The following RNF144A variants were observed in gnomAD, a reference collection of about 807,000 sequenced individuals.
The protein encoded by RNF144A is ring finger protein 144A.
A neutral mutation model predicts 38.7 loss-of-function variants in RNF144A; 11 were observed. The observed-to-expected ratio is 0.28, with a 90% confidence interval of 0.18 to 0.47. RNF144A has a LOEUF of 0.47. RNF144A is among the 20% of genes least tolerant of loss of function. RNF144A has a pLI of 0.99. For synonymous variants in RNF144A, 149 were observed against 143.9 expected (o/e 1.04, Z -0.25); for missense variants, 316 against 377.2 (o/e 0.84, Z 1.34).
intron 3 of RNF144A, among the ~76,000 whole-genome samples, chr2:7,008,286 G>A (rs1440641788): frequency 6.6e-6 from 1 of 152,242 alleles, no homozygotes; most frequent in Non-Finnish European, 1.5e-5. Context: ...GCCTCCTCGG[G>A]AACGTCCAGC....
intron 3 of RNF144A, among the ~76,000 whole-genome samples, chr2:7,007,038 C>G (rs553987579): frequency 3.3e-5 from 5 of 152,076 alleles, no homozygotes; most frequent in African/African-American, 7.2e-5. Flanking sequence ...CTTCCCACCC[C>G]CTCAGAACCC....
At chr2:7,052,526 A>T (rs77062982) in intron 6 of RNF144A, among the ~76,000 whole-genome samples, 3 of 152,178 alleles carry the variant, frequency 2.0e-5, no homozygotes, top group African/African-American at 7.2e-5. Context: ...CTTCTGAAAC[A>T]GGGCTCTGTA....
intron 3 of RNF144A, among the ~76,000 whole-genome samples, chr2:7,008,529 C>T (rs1670597606): frequency 6.6e-6 from 1 of 152,228 alleles, no homozygotes; most frequent in Admixed American, 6.5e-5. Flanking sequence ...GCACTCTCCA[C>T]TGCCTGCAGG....
At chr2:6,925,481 C>T (rs1005349908) in intron 1 of RNF144A, among the ~76,000 whole-genome samples, 17 of 152,240 alleles carry the variant, frequency 1.1e-4, no homozygotes, top group African/African-American at 3.9e-4. Context: ...GCTCTCTTTA[C>T]TTTCTTCTTG....
At chr2:7,017,087 T>C (rs1316047134) in intron 5 of RNF144A, among the ~76,000 whole-genome samples, 1 of 152,132 alleles carries the variant, frequency 6.6e-6, no homozygotes, top group African/African-American at 2.4e-5. Flanking sequence ...GGGGTGTGGA[T>C]GCCTCTTGCT....
In RNF144A at chr2:6,962,328, C is replaced by T. The variant is rs1468052024; in HGVS notation, c.-12+21181C>T. The stretch of plus-strand genomic sequence containing the variant: ...GGTAACAGAAAAGGGAAGATGGAGC[C>T]TCCATGTTGGACATGCCCGGCCCCC... On this transcript the variant is annotated intron_variant, in intron 2 of 8. Coordinates refer to ENST00000320892, the MANE Select transcript of RNF144A (RefSeq NM_014746.6). The surrounding 1 kb of genome is among the most constrained non-coding windows in gnomAD (Gnocchi z 4.1). Among the ~76,000 whole-genome samples, 2 of 152,168 alleles carry T rather than the reference C, an allele frequency of 1.3e-5. No homozygotes were observed. The highest frequency in any genetic ancestry group is 4.8e-5 in the African/African-American group (2 of 41,422).
intron 1 of RNF144A, among the ~76,000 whole-genome samples, chr2:6,938,359 T>C (rs1180512328): frequency 3.3e-5 from 5 of 151,240 alleles, no homozygotes; most frequent in Non-Finnish European, 7.4e-5. Flanking sequence ...GCGATTCTCC[T>C]GCCTCAGCCT....
At chr2:7,015,824 A>C (rs1671100081) in intron 5 of RNF144A, among the ~76,000 whole-genome samples, 1 of 152,052 alleles carries the variant, frequency 6.6e-6, no homozygotes, top group Admixed American at 6.6e-5. Flanking sequence ...CCCTGCACTG[A>C]TTCTCGGGTT....
Position 6,957,535 on chromosome 2 carries a change from G to A in RNF144A, c.-12+16388G>A, listed in dbSNP as rs531040728. 3.3e-5 allele frequency among the ~76,000 whole-genome samples: 5 copies of A among 152,314 alleles called. No homozygotes were observed. The East Asian group carries it at 9.7e-4, about 29-fold the overall frequency. Reference sequence around the variant, plus strand: ...GCGTTGACCACATCAGGCTCAGAGAGCTCACTGCATAGAGGCTGCTGTGGG... The same window carrying A: ...GCGTTGACCACATCAGGCTCAGAGAACTCACTGCATAGAGGCTGCTGTGGG... On this transcript the variant is annotated intron_variant, in intron 2 of 8. Coordinates refer to ENST00000320892, the MANE Select transcript of RNF144A (RefSeq NM_014746.6).
chr2:7,021,704 G>A (rs991275012), intron 6 of RNF144A, among the ~76,000 whole-genome samples: 12 of 152,188 alleles, frequency 7.9e-5, no homozygotes, highest in Admixed American at 2.6e-4. Context: ...GAGTTCTTGC[G>A]TTGACAAGGC....
In RNF144A at chr2:7,013,481, A is replaced by G. The variant is rs547193810; in HGVS notation, c.136-973A>G. On this transcript the variant is annotated intron_variant, in intron 3 of 8. Coordinates refer to ENST00000320892, the MANE Select transcript of RNF144A (RefSeq NM_014746.6). The stretch of plus-strand genomic sequence containing the variant: ...ATTATATTTTAATAATGGTATTGTA[A>G]TATTATATATTGTTGCTAATATGAA... Among the ~76,000 whole-genome samples, 23 of 152,220 alleles carry G rather than the reference A, an allele frequency of 1.5e-4. 1 individual carries two copies. Among genetic ancestry groups the G allele is most frequent in the South Asian group, 6.2e-4 (3 of 4,820 alleles).
intron 3 of RNF144A, among the ~76,000 whole-genome samples, chr2:7,013,644 G>C (rs1302787164): frequency 1.3e-5 from 2 of 152,186 alleles, no homozygotes; most frequent in Non-Finnish European, 2.9e-5. Context: ...GCTGGCAAAG[G>C]CCGTATTGTT....
In RNF144A at chr2:6,997,012, T is replaced by A; in HGVS notation, c.86T>A (p.Val29Glu). Reference protein sequence around the residue: ...SCKLCLGEYPVEQMTTIAQCQ... With the variant: ...SCKLCLGEYPEEQMTTIAQCQ... ...AAGCTCTGTCTTGGGGAGTACCCAG[T>A]GGAGCAGATGACAACCATAGCCCAG... Residue 29 changes from valine to glutamate, a missense_variant, in exon 3 of 9, where the codon GTG becomes GAG. Coordinates refer to ENST00000320892, the MANE Select transcript of RNF144A (RefSeq NM_014746.6). 1.4e-5 allele frequency: 22 copies of A among 1,614,170 alleles called. No homozygotes were observed. The highest frequency in any genetic ancestry group is 1.9e-5 in the Non-Finnish European group (22 of 1,179,986).
chr2:6,964,633 C>T (rs546704508), intron 2 of RNF144A, among the ~76,000 whole-genome samples: 21 of 152,214 alleles, frequency 1.4e-4, no homozygotes, highest in South Asian at 2.1e-4. Context: ...TGGAATACTA[C>T]GCAGCCATAA....
At chr2:6,987,873 A>G (rs1669054814) in intron 2 of RNF144A, among the ~76,000 whole-genome samples, 1 of 152,120 alleles carries the variant, frequency 6.6e-6, no homozygotes, top group East Asian at 1.9e-4. Context: ...CTTTTTTTGT[A>G]TTTCTTACGA....
chr2:7,000,187 GC>G (rs1358308076), intron 3 of RNF144A, among the ~76,000 whole-genome samples: 1 of 152,226 alleles, frequency 6.6e-6, no homozygotes, highest in Non-Finnish European at 1.5e-5. Context: ...GGCCTTGGGA[GC>G]TTGGGGATGA....
intron 6 of RNF144A, among the ~76,000 whole-genome samples, chr2:7,050,703 A>T (rs1223274375): frequency 6.6e-6 from 1 of 152,208 alleles, no homozygotes; most frequent in Non-Finnish European, 1.5e-5. Flanking sequence ...ATTCTCTCAT[A>T]TACCTTTAAG....
chr2:7,063,716 A>C (rs1674069053), intron 6 of RNF144A, among the ~76,000 whole-genome samples: 1 of 152,182 alleles, frequency 6.6e-6, no homozygotes, highest in Non-Finnish European at 1.5e-5. Context: ...ATGGGAGTAG[A>C]GAGCAAAACG....
At chr2:6,992,327 A>T (rs905518320) in intron 2 of RNF144A, among the ~76,000 whole-genome samples, 1 of 152,188 alleles carries the variant, frequency 6.6e-6, no homozygotes, top group Middle Eastern at 3.2e-3. Context: ...CATTCCAGCA[A>T]GTTCTCAGGT....
Sources: gnomAD v4.1 joint callset for allele counts (sites outside exome capture counted in the v4.1 genomes callset) on GRCh38, gnomAD v4.1.1 for gene constraint, Gnocchi (gnomAD v3.1) non-coding constraint, MANE v1.5 for transcripts, NCBI Gene and HGNC (gene_info 2026-07-23, HGNC 2026-07-21) for gene names.